The following DLGAP1 variants were observed in gnomAD, a reference collection of about 807,000 sequenced individuals.
DLGAP1 encodes disks large-associated protein 1.
A neutral mutation model predicts 90.8 loss-of-function variants in DLGAP1; 11 were observed. That is an observed-to-expected ratio of 0.12 (90% CI 0.08 to 0.20). The LOEUF (loss-of-function observed/expected upper bound fraction) is 0.20, where lower values mean the gene tolerates loss of function less well. Among genes scored for constraint, DLGAP1 ranks in the 10% least tolerant of loss-of-function variants. DLGAP1 has a pLI of 1.00. For synonymous variants in DLGAP1, 558 were observed against 540.7 expected (o/e 1.03, Z -0.44); for missense variants, 1,050 against 1,333.8 (o/e 0.79, Z 3.31).
chr18:3,508,351 G>C (rs1394361292), intron 11 of DLGAP1, among the ~76,000 whole-genome samples: 1 of 152,082 alleles, frequency 6.6e-6, no homozygotes, highest in African/African-American at 2.4e-5. Flanking sequence ...ATTTTAACTT[G>C]ACTGAATTTT....
intron 4 of DLGAP1, among the ~76,000 whole-genome samples, chr18:3,873,709 T>G (rs2070891347): frequency 1.3e-5 from 2 of 152,190 alleles, no homozygotes; most frequent in East Asian, 1.9e-4. Context: ...GATTCATGCT[T>G]ATGAATGCTT....
intron 1 of DLGAP1, among the ~76,000 whole-genome samples, chr18:4,355,723 A>G (rs1047690087): frequency 1.9e-4 from 28 of 144,122 alleles, no homozygotes; most frequent in African/African-American, 6.3e-4. Context: ...GGTTAAAGTT[A>G]CATGGGACAA....
intron 3 of DLGAP1, among the ~76,000 whole-genome samples, chr18:3,900,803 T>C (rs755077806): frequency 3.9e-5 from 6 of 152,206 alleles, no homozygotes; most frequent in Non-Finnish European, 8.8e-5. Context: ...CGCCTTTGGA[T>C]ATTCCTTATT....
chr18:4,405,374 T>C (rs2082640897), intron 1 of DLGAP1, among the ~76,000 whole-genome samples: 3 of 152,094 alleles, frequency 2.0e-5, no homozygotes, highest in Admixed American at 2.0e-4. Flanking sequence ...GTTTCTGGAA[T>C]TCAGACACTA....
intron 7 of DLGAP1, chr18:3,607,064 G>A (rs1384671318): frequency 6.6e-6 from 1 of 152,152 alleles, no homozygotes; most frequent in African/African-American, 2.4e-5. Context: ...CCTGACTTCA[G>A]GTGATTGATC....
chr18:4,201,970 C>A (rs1057340405), intron 1 of DLGAP1, among the ~76,000 whole-genome samples: 5 of 152,136 alleles, frequency 3.3e-5, no homozygotes, highest in Non-Finnish European at 7.4e-5. Context: ...AACTCCACTA[C>A]TGAGTATCTA....
At chr18:3,708,025 A>G (rs1031415730) in intron 7 of DLGAP1, among the ~76,000 whole-genome samples, 2 of 115,964 alleles carry the variant, frequency 1.7e-5, no homozygotes, top group Non-Finnish European at 3.8e-5. Flanking sequence ...TTTTTTTTTG[A>G]GACAGGGTCT....
intron 7 of DLGAP1, among the ~76,000 whole-genome samples, chr18:3,674,383 C>G (rs2060219986): frequency 6.6e-6 from 1 of 150,896 alleles, no homozygotes; most frequent in African/African-American, 2.4e-5. Context: ...CTTTGGGAGG[C>G]TGCGGTGAGA....
chr18:4,158,618 TTC>T (rs1455522568), intron 1 of DLGAP1, among the ~76,000 whole-genome samples: 1 of 152,178 alleles, frequency 6.6e-6, no homozygotes, highest in Non-Finnish European at 1.5e-5. Context: ...CCTCAACGTC[TTC>T]TCTCATTTTC....
intron 8 of DLGAP1, among the ~76,000 whole-genome samples, chr18:3,570,709 G>T (rs970896415): frequency 7.3e-5 from 11 of 151,646 alleles, no homozygotes; most frequent in Non-Finnish European, 1.0e-4. Flanking sequence ...TGAGAGGATC[G>T]CTTGAGCCCA....
At chr18:3,889,357 A>C (rs2071402286) in intron 3 of DLGAP1, among the ~76,000 whole-genome samples, 2 of 152,176 alleles carry the variant, frequency 1.3e-5, no homozygotes, top group South Asian at 4.1e-4. Flanking sequence ...AGTCTTGTGA[A>C]CATGTTCTGG....
chr18:3,607,196 T>A (rs1201224932), intron 7 of DLGAP1: 2 of 152,224 alleles, frequency 1.3e-5, no homozygotes, highest in Admixed American at 1.3e-4. Context: ...GAACCTTTTT[T>A]ATTTTTCTTT....
At chr18:3,502,254 A>T (rs2049978750) in intron 12 of DLGAP1, 1 of 1,353,132 alleles carries the variant, frequency 7.4e-7, no homozygotes, top group African/African-American at 1.5e-5. Flanking sequence ...TAACAAAAAA[A>T]GCCACATTCC....
chr18:3,772,235 CTCCT>C (rs1329307366), intron 5 of DLGAP1, among the ~76,000 whole-genome samples: 4 of 129,258 alleles, frequency 3.1e-5, no homozygotes, highest in South Asian at 4.8e-4. Flanking sequence ...TTTTCTTTCT[CTCCT>C]TCCTTCTTTC....
chr18:4,345,285 T>C (rs1270865851), intron 1 of DLGAP1, among the ~76,000 whole-genome samples: 1 of 152,208 alleles, frequency 6.6e-6, no homozygotes, highest in South Asian at 2.1e-4. Context: ...TTCAACTCTA[T>C]TGTCTTTTCT....
intron 1 of DLGAP1, among the ~76,000 whole-genome samples, chr18:4,386,670 A>G (rs930450262): frequency 3.9e-5 from 6 of 152,204 alleles, no homozygotes; most frequent in Non-Finnish European, 5.9e-5. Flanking sequence ...AGTAATGAGA[A>G]AGATCACATA....
chr18:3,785,171 C>T (rs1164076719), intron 5 of DLGAP1, among the ~76,000 whole-genome samples: 9 of 152,172 alleles, frequency 5.9e-5, no homozygotes, highest in African/African-American at 2.2e-4. Flanking sequence ...GCTGCTGTAA[C>T]AAATTACCAC....
intron 2 of DLGAP1, among the ~76,000 whole-genome samples, chr18:4,021,278 G>C (rs1264893027): frequency 6.6e-6 from 1 of 152,188 alleles, no homozygotes; most frequent in African/African-American, 2.4e-5. Context: ...CACCTGGTGG[G>C]AGGTACTTGG....
intron 5 of DLGAP1, among the ~76,000 whole-genome samples, chr18:3,749,611 A>G (rs2063419166): frequency 6.6e-6 from 1 of 152,054 alleles, no homozygotes; most frequent in Non-Finnish European, 1.5e-5. Context: ...CATCTCCTCA[A>G]TGGCTTCTAC....
Sources: gnomAD v4.1 joint callset for allele counts (sites outside exome capture counted in the v4.1 genomes callset) on GRCh38, gnomAD v4.1.1 for gene constraint, MANE v1.5 for transcripts, NCBI Gene and HGNC (gene_info 2026-07-23, HGNC 2026-07-21) for gene names.